ANAPC5: variants seen among roughly 807,000 people sequenced by gnomAD.
ANAPC5 encodes the protein anaphase-promoting complex subunit 5.
A neutral mutation model predicts 91.3 loss-of-function variants in ANAPC5; 60 were observed. The ratio of observed to expected loss-of-function variants is 0.66; its 90% CI spans 0.53 to 0.81. The LOEUF (loss-of-function observed/expected upper bound fraction) is 0.81, where lower values mean the gene tolerates loss of function less well. Ranked by LOEUF, ANAPC5 falls within the 40% of genes least tolerant of loss-of-function variation. The probability of loss-of-function intolerance (pLI) is 0.00; values close to 1 mark genes in which losing one functional copy is unlikely to be tolerated. For synonymous variants in ANAPC5, 340 were observed against 364.1 expected (o/e 0.93, Z 0.75); for missense variants, 690 against 931.5 (o/e 0.74, Z 3.37).
intron 9 of ANAPC5, chr12:121,328,777 T>C: frequency 3.2e-6 from 1 of 317,388 alleles, no homozygotes. Flanking sequence ...ACTTACTGTG[T>C]GACTTAGGGC....
At chr12:121,320,942 T>C (rs1454962989) in intron 11 of ANAPC5, 2 of 151,588 alleles carry the variant, frequency 1.3e-5, no homozygotes, top group Non-Finnish European at 2.9e-5. Context: ...TAAAGGCTAA[T>C]ACAATTTATT....
chr12:121,351,446 C>T (rs1903888571), intron 1 of ANAPC5, among the ~76,000 whole-genome samples: 1 of 151,582 alleles, frequency 6.6e-6, no homozygotes, highest in Admixed American at 6.6e-5. Flanking sequence ...AATCAGTGCT[C>T]GTCCTTGGCT....
At position 121,334,874 on chromosome 12, in the gene ANAPC5, T is replaced by C. The variant is rs1429328928; in HGVS notation, c.950+659A>G. 3.3e-5 allele frequency: 5 copies of C among 152,338 alleles called. No individual in the cohort carries two copies. The East Asian group carries it at 7.7e-4, about 23-fold the overall frequency. The allele number at this position is 152,338 out of a possible 1,614,324, so 9.4% of individuals were successfully genotyped here. A position where few individuals can be genotyped will look rare whatever the true frequency, so the allele number is the denominator to read the frequency against. The stretch of plus-strand genomic sequence containing the variant: ...CCTAATGACCTAATTTCTTTTTCAC[T>C]GAACGGCCTGTTGTTCTTAGAAGTA... On this transcript the variant is annotated intron_variant, in intron 7 of 16. Transcript: ENST00000261819.
chr12:121,334,998 A>T (rs1359178049), intron 7 of ANAPC5: 1 of 152,186 alleles, frequency 6.6e-6, no homozygotes, highest in Non-Finnish European at 1.5e-5. Context: ...CAGTGCCAAT[A>T]AGGTTCCCTC....
chr12:121,327,497 C>T (rs1345438030), intron 10 of ANAPC5: 18 of 471,782 alleles, frequency 3.8e-5, no homozygotes, highest in Non-Finnish European at 5.6e-5. Context: ...CGCCCCCACC[C>T]CATGTTCCCT....
At chr12:121,333,237 C>G (rs1410421759) in intron 7 of ANAPC5, 1 of 152,080 alleles carries the variant, frequency 6.6e-6, no homozygotes, top group East Asian at 1.9e-4. Flanking sequence ...AATTTTTTAC[C>G]TGAACCCAGG....
chr12:121,327,036 G>A, intron 11 of ANAPC5, 60 bp downstream of exon 11: 2 of 1,525,916 alleles, frequency 1.3e-6, no homozygotes, highest in Non-Finnish European at 8.7e-7. Flanking sequence ...AAGCATTAGA[G>A]GAAAGAAATG....
chr12:121,321,421 C>G (rs1421528744), intron 11 of ANAPC5, among the ~76,000 whole-genome samples: 1 of 134,310 alleles, frequency 7.4e-6, no homozygotes, highest in Non-Finnish European at 1.5e-5. Context: ...ATGGTTTGAT[C>G]TCAGCTCAAT....
intron 12 of ANAPC5, 84 bp from the exon 13 acceptor site, chr12:121,319,902 G>A: frequency 1.5e-6 from 2 of 1,309,892 alleles, no homozygotes; most frequent in Non-Finnish European, 1.0e-6. Context: ...GGATTGCTTA[G>A]CAAATATCCT....
Position 121,328,405 on chromosome 12 carries a change from G to A in ANAPC5, c.1215C>T (p.Ser405=), listed in dbSNP as rs199925143. The change falls in exon 10 of 17, where the codon TCC becomes TCT. Residue 405 remains serine (S), a synonymous_variant. Transcript: ENST00000261819. ...GGCTGTGTTTCCAGTGCAGGAGGTCGGAGTCCTTTAGGGCATCCATCAGCT... is the reference window on the plus strand; with the variant it reads ...GGCTGTGTTTCCAGTGCAGGAGGTCAGAGTCCTTTAGGGCATCCATCAGCT... ...ANKLMDALKD[S]DLLHWKHSLS... 11 of 1,613,852 alleles carry A rather than the reference G, an allele frequency of 6.8e-6. No individual in the cohort carries two copies. The highest frequency in any genetic ancestry group is 4.5e-5 in the East Asian group (2 of 44,866).
At chr12:121,334,949 GGGCAGACTATTTA>G (rs1407682330) in intron 7 of ANAPC5, 1 of 152,032 alleles carries the variant, frequency 6.6e-6, no homozygotes. Context: ...TGACACTAGG[GGGCAGACTATTTA>G]GGCAGAAGGT....
intron 8 of ANAPC5, chr12:121,331,121 T>C: frequency 2.1e-6 from 1 of 470,798 alleles, no homozygotes; most frequent in South Asian, 3.1e-5. Flanking sequence ...GCAAGTTGCA[T>C]TAAACTTTGT....
rs1555274207 is a variant in ANAPC5 at position 121,342,624 on chromosome 12, G to A, written c.591-555C>T. ...ACCTGTAATCCCAGCACTTTGGGAGGCCAAGGCAGGTGGATCACAAGGTCA... is the reference window on the plus strand; with the variant it reads ...ACCTGTAATCCCAGCACTTTGGGAGACCAAGGCAGGTGGATCACAAGGTCA... On this transcript the variant is annotated intron_variant, in intron 4 of 16. Coordinates refer to ENST00000261819, the MANE Select transcript of ANAPC5 (RefSeq NM_016237.5). The surrounding 1 kb of genome is among the most constrained non-coding windows in gnomAD (Gnocchi z 4.1). 6.6e-6 allele frequency among the ~76,000 whole-genome samples: 1 copy of A among 152,212 alleles called. No homozygotes were observed. Among genetic ancestry groups the A allele is most frequent in the East Asian group, 1.9e-4 (1 of 5,198 alleles).
In ANAPC5 at chr12:121,337,387, A is replaced by C. The variant is rs1903279493; in HGVS notation, c.663T>G (p.Ser221=). 1 of 1,610,730 alleles carries C rather than the reference A, an allele frequency of 6.2e-7. No homozygotes were observed. The highest frequency in any genetic ancestry group is 2.2e-5 in the East Asian group (1 of 44,832). The change falls in exon 6 of 17, where the codon TCT becomes TCG. Residue 221 remains serine, a synonymous_variant. Transcript: ENST00000261819. ...QAEFFLSQQA[S]LLKNDETKAL... is the part of the protein sequence containing the mutation. Reference sequence around the variant, plus strand: ...CCTTAGTCTCATCATTCTTTAGCAAAGAAGCCTGAAATTTAAAAATGGTAA... The same window carrying C: ...CCTTAGTCTCATCATTCTTTAGCAACGAAGCCTGAAATTTAAAAATGGTAA...
At chr12:121,334,955 A>T (rs1443813772) in intron 7 of ANAPC5, 1 of 152,052 alleles carries the variant, frequency 6.6e-6, no homozygotes, top group Admixed American at 6.6e-5. Context: ...TAGGGGGCAG[A>T]CTATTTAGGC....
At chr12:121,335,078 T>A (rs34606348) in intron 7 of ANAPC5, 6,427 of 152,740 alleles carry the variant, frequency 0.042, 168 homozygotes, top group South Asian at 0.082. Flanking sequence ...ATACATTTTT[T>A]AAAAATGCAT....
upstream of ANAPC5, among the ~76,000 whole-genome samples, chr12:121,353,875 G>A (rs1903993483): frequency 6.6e-6 from 1 of 152,060 alleles, no homozygotes; most frequent in Non-Finnish European, 1.5e-5. Context: ...AATTAGACAT[G>A]AGCAGGGCAG....
chr12:121,354,146 G>T (rs1347311050), upstream of ANAPC5, among the ~76,000 whole-genome samples: 1 of 150,944 alleles, frequency 6.6e-6, no homozygotes, highest in South Asian at 2.1e-4. Flanking sequence ...GCACCACCAC[G>T]CCCGGCTAAT....
intron 9 of ANAPC5, among the ~76,000 whole-genome samples, chr12:121,329,600 C>G (rs1902954124): frequency 3.3e-5 from 5 of 151,034 alleles, no homozygotes; most frequent in Admixed American, 3.3e-4. Context: ...GAATAAGGTT[C>G]TCCAAGCTTG....
Sources: allele counts gnomAD v4.1 joint callset (sites outside exome capture counted in the v4.1 genomes callset), GRCh38; gene constraint gnomAD v4.1.1; non-coding constraint Gnocchi (gnomAD v3.1); transcripts MANE v1.5; gene names NCBI Gene and HGNC (gene_info 2026-07-23, HGNC 2026-07-21).